Variants in KANSL1 observed in about 807,000 individuals in gnomAD.
The protein encoded by KANSL1 is KAT8 regulatory NSL complex subunit 1.
In KANSL1, 22 loss-of-function variants were observed where a neutral mutation model predicts 103.6. That is an observed-to-expected ratio of 0.21 (90% CI 0.15 to 0.30). KANSL1 has a LOEUF of 0.30. Among genes scored for constraint, KANSL1 ranks in the 10% least tolerant of loss-of-function variants. KANSL1 has a pLI of 1.00. For missense variants in KANSL1, 1,337 were observed against 1,399.8 expected, an observed-to-expected ratio of 0.96 and a Z score of 0.72; for synonymous variants, 600 against 527.6, an observed-to-expected ratio of 1.14 and a Z score of -1.88.
chr17:46,213,467 A>ATTT (rs748428844), intron 1 of KANSL1, among the ~76,000 whole-genome samples: 2 of 136,402 alleles, frequency 1.5e-5, no homozygotes, highest in Non-Finnish European at 1.5e-5. Context: ...CGCCCGGCTA[A>ATTT]TTTTTTTTTT....
intron 2 of KANSL1, among the ~76,000 whole-genome samples, chr17:46,140,539 A>AC (rs55855945): frequency 0.11 from 16,828 of 149,490 alleles, no homozygotes; most frequent in Non-Finnish European, 0.17. Context: ...CAAAAAAAAA[A>AC]CATAAATTGG....
intron 2 of KANSL1, among the ~76,000 whole-genome samples, chr17:46,124,614 T>G (rs1330722864): frequency 6.6e-6 from 1 of 152,186 alleles, no homozygotes; most frequent in East Asian, 1.9e-4. Context: ...CAAAGTAAAT[T>G]GAAAATTATT....
chr17:46,138,324 T>C (rs1386820467), intron 2 of KANSL1, among the ~76,000 whole-genome samples: 1 of 152,220 alleles, frequency 6.6e-6, no homozygotes, highest in Non-Finnish European at 1.5e-5. Flanking sequence ...TAAAAAACAA[T>C]GTCTGTACTG....
chr17:46,205,252 A>T (rs2047925218), intron 1 of KANSL1, among the ~76,000 whole-genome samples: 1 of 152,252 alleles, frequency 6.6e-6, no homozygotes, highest in Admixed American at 6.5e-5. Context: ...GAGCCAATAA[A>T]CACATCCAAC....
intron 2 of KANSL1, among the ~76,000 whole-genome samples, chr17:46,117,102 C>A (rs2043078116): frequency 6.6e-6 from 1 of 152,330 alleles, no homozygotes; most frequent in South Asian, 2.1e-4. Context: ...CCCCTCAAAT[C>A]TGAGGGAGCT....
intron 1 of KANSL1, among the ~76,000 whole-genome samples, chr17:46,212,509 G>A (rs1266244691): frequency 4.6e-5 from 7 of 152,138 alleles, no homozygotes; most frequent in Admixed American, 6.6e-5. Flanking sequence ...ATGAGCCACC[G>A]CACCCGGCCA....
intron 1 of KANSL1, among the ~76,000 whole-genome samples, chr17:46,207,312 C>G (rs1049776386): frequency 6.6e-6 from 1 of 152,036 alleles, no homozygotes; most frequent in Admixed American, 6.6e-5. Flanking sequence ...GAGTTCAAGA[C>G]CAACCTGGCC....
At chr17:46,182,003 A>G (rs1385814718) in intron 1 of KANSL1, among the ~76,000 whole-genome samples, 2 of 152,202 alleles carry the variant, frequency 1.3e-5, no homozygotes, top group Non-Finnish European at 2.9e-5. Flanking sequence ...ATGCACTTAA[A>G]GTCACTGTCA....
chr17:46,088,952 G>C (rs931057022), intron 3 of KANSL1, among the ~76,000 whole-genome samples: 1 of 152,054 alleles, frequency 6.6e-6, no homozygotes, highest in Non-Finnish European at 1.5e-5. Context: ...CAACAAACAT[G>C]TTTCAGTGAA....
intron 3 of KANSL1, among the ~76,000 whole-genome samples, chr17:46,084,025 A>C (rs956903044): frequency 4.4e-4 from 67 of 152,122 alleles, no homozygotes; most frequent in Non-Finnish European, 4.7e-4. Flanking sequence ...TTTTCTCTTG[A>C]AGCAAAAGAA....
chr17:46,196,068 C>T, upstream of KANSL1: 1 of 301,722 alleles, frequency 3.3e-6, no homozygotes, highest in Non-Finnish European at 6.4e-6. Context: ...AGAGTGAGAC[C>T]CTATCTCTAC....
chr17:46,114,117 A>G (rs11653367), intron 2 of KANSL1, among the ~76,000 whole-genome samples: 36,808 of 152,050 alleles, frequency 0.24, 5,485 homozygotes, highest in South Asian at 0.5. Flanking sequence ...TCCCAGCACA[A>G]TGGGAGGCCG....
At chr17:46,138,636 G>C (rs1354738245) in intron 2 of KANSL1, among the ~76,000 whole-genome samples, 3 of 152,250 alleles carry the variant, frequency 2.0e-5, no homozygotes, top group Non-Finnish European at 4.4e-5. Context: ...ACATCAGAGA[G>C]ACTCCACCTG....
rs750652072 is a variant in KANSL1, at chr17:46,082,513, G to C, written c.1461C>G (p.Pro487=). 9.3e-6 allele frequency: 15 copies of C among 1,611,480 alleles called. No individual in the cohort carries two copies. In the Admixed American group the frequency reaches 1.3e-4, roughly 14 times the overall value. The part of the protein sequence containing the change: ...KGLIVLGEVP[P]PEHTTDLFLP... ...GAAATAAGTCTGTTGTATGCTCTGG[G>C]GGAGGTACCTCCCCAAGAACTATCA... The change falls in exon 4 of 15, where the codon CCC becomes CCG. Residue 487 remains proline (P), a synonymous_variant. Coordinates refer to ENST00000432791, the MANE Select transcript of KANSL1 (RefSeq NM_015443.4).
At chr17:46,054,316 A>T (rs1445797333) in intron 6 of KANSL1, among the ~76,000 whole-genome samples, 1 of 152,162 alleles carries the variant, frequency 6.6e-6, no homozygotes, top group African/African-American at 2.4e-5. Context: ...AGCTTCCCAA[A>T]GTGCTGGGAT....
At chr17:46,215,651 C>T (rs2048316878) in intron 1 of KANSL1, among the ~76,000 whole-genome samples, 1 of 152,146 alleles carries the variant, frequency 6.6e-6, no homozygotes, top group Non-Finnish European at 1.5e-5. Flanking sequence ...CTCTCAAATC[C>T]CTGATTTGAG....
chr17:46,205,498 G>A (rs2047936050), intron 1 of KANSL1, among the ~76,000 whole-genome samples: 2 of 151,604 alleles, frequency 1.3e-5, no homozygotes, highest in East Asian at 2.0e-4. Context: ...CCTAGCCAAC[G>A]TGGTGAAACC....
chr17:46,032,329 C>T (rs766288923), intron 13 of KANSL1, 30 bp from the exon 14 acceptor site: 3 of 1,489,844 alleles, frequency 2.0e-6, no homozygotes, highest in Non-Finnish European at 2.7e-6. Flanking sequence ...AATCTGAGTG[C>T]CTGGGAAATG....
rs199901862 is a variant in KANSL1 at position 46,078,455 on chromosome 17, TG to T, written c.1533+3985del. Among the ~76,000 whole-genome samples the T allele has an allele frequency of 1.7e-4, 26 of 152,360 alleles. 2 individuals are homozygous for T. In the East Asian group the frequency reaches 5.0e-3, roughly 29 times the overall value. ...ATCTGAAAGGGGCTCAAATAGATTG[TG>T]GGCCTATGCCCCTCCCCATCTCCCA... On this transcript the variant is annotated intron_variant, in intron 4 of 14. Coordinates refer to ENST00000432791, the MANE Select transcript of KANSL1 (RefSeq NM_015443.4).
Sources: allele counts gnomAD v4.1 joint callset (sites outside exome capture counted in the v4.1 genomes callset), GRCh38; gene constraint gnomAD v4.1.1; transcripts MANE v1.5; gene names NCBI Gene and HGNC (gene_info 2026-07-23, HGNC 2026-07-21).